ASNS: variants seen among roughly 807,000 people sequenced by gnomAD.
The protein encoded by ASNS is asparagine synthetase (glutamine-hydrolyzing), also known as asparagine synthetase [glutamine-hydrolyzing].
A neutral mutation model predicts 62.6 loss-of-function variants in ASNS; 37 were observed. The observed-to-expected ratio is 0.59, with a 90% confidence interval of 0.45 to 0.78. The LOEUF is 0.78. Among genes scored for constraint, ASNS ranks in the 30% least tolerant of loss-of-function variants. The pLI, the probability that ASNS is intolerant of heterozygous loss-of-function variation, is 0.00. For synonymous variants in ASNS, 207 were observed against 237.9 expected, an observed-to-expected ratio of 0.87 and a Z score of 1.19; for missense variants, 520 against 682.4, an observed-to-expected ratio of 0.76 and a Z score of 2.65.
chr7:97,860,206 G>C (rs1399318532), intron 4 of ASNS, among the ~76,000 whole-genome samples: 4 of 152,184 alleles, frequency 2.6e-5, no homozygotes, highest in Non-Finnish European at 4.4e-5. Context: ...AGGGAATGGG[G>C]AGTAATTAAA....
the ASNS span, among the ~76,000 whole-genome samples, chr7:97,895,820 A>C: frequency 6.6e-6 from 1 of 152,152 alleles, no homozygotes; most frequent in African/African-American, 2.4e-5. Context: ...ATTTTTAAAA[A>C]CGGATGTATA....
At chr7:97,859,066 T>C in intron 5 of ASNS, 111 bp from the exon 6 acceptor site, 1 of 1,374,388 alleles carries the variant, frequency 7.3e-7, no homozygotes. Context: ...TACTCAATGG[T>C]GGAGTGTGCC....
Position 97,853,133 on chromosome 7 carries a change from TC to T in ASNS, c.1402del (p.Glu468LysfsTer7), listed in dbSNP as rs1417999241. ...TGAAGTTATTCCATCACTGAAGGCTTCTTTTGGTCGCCAGAGAATCTCTTTG... is the reference window on the plus strand; with the variant it reads ...TGAAGTTATTCCATCACTGAAGGCTTTTTTGGTCGCCAGAGAATCTCTTTG... ...IPKEILWRPK[E>X]AFSDGITSVK... is the part of the protein sequence containing the mutation. On this transcript the variant is annotated frameshift_variant, in exon 12 of 13. Transcript: ENST00000394308. LOFTEE classifies it high-confidence loss of function. 1 of 1,611,540 alleles carries T rather than the reference TC, an allele frequency of 6.2e-7. No individual in the cohort carries two copies. The highest frequency in any genetic ancestry group is 1.7e-5 in the Admixed American group (1 of 59,390).
At chr7:97,912,213 T>C in the ASNS span, among the ~76,000 whole-genome samples, 1 of 152,230 alleles carries the variant, frequency 6.6e-6, no homozygotes, top group East Asian at 1.9e-4. Flanking sequence ...TCTCTGTCTC[T>C]AGAGATATTT....
chr7:97,875,111 C>T (rs1312621142), upstream of ASNS, among the ~76,000 whole-genome samples: 2 of 152,178 alleles, frequency 1.3e-5, no homozygotes, highest in East Asian at 3.9e-4. Flanking sequence ...GGTGCAGTAA[C>T]GACAATCCCC....
intron 1 of ASNS, chr7:97,871,644 A>T (rs1792268388): frequency 6.6e-6 from 1 of 152,504 alleles, no homozygotes; most frequent in African/African-American, 2.4e-5. Flanking sequence ...GCCCTGCAAA[A>T]TGACAGCCAT....
chr7:97,856,302 G>T (rs564860030), intron 8 of ASNS, among the ~76,000 whole-genome samples: 2 of 152,200 alleles, frequency 1.3e-5, no homozygotes, highest in African/African-American at 4.8e-5. Flanking sequence ...CTGGTAAGTT[G>T]TGTGATGGAA....
At chr7:97,879,478 A>G in the ASNS span, among the ~76,000 whole-genome samples, 1 of 152,232 alleles carries the variant, frequency 6.6e-6, no homozygotes, top group Non-Finnish European at 1.5e-5. Context: ...GTTAGATAGG[A>G]TGTTAAGTTG....
In ASNS at chr7:97,852,131, A is replaced by G. The variant is rs1791205688; in HGVS notation, c.*128T>C. On this transcript the variant is annotated 3_prime_UTR_variant, in exon 13 of 13. Coordinates refer to ENST00000394308, the MANE Select transcript of ASNS (RefSeq NM_001673.5). The stretch of plus-strand genomic sequence containing the variant: ...ACATAAATGACTACAGCAATGGTTT[A>G]GATTTAGGACTTTTATTTTTTTCAC... 2 of 997,352 alleles carry G rather than the reference A, an allele frequency of 2.0e-6. No individual in the cohort carries two copies. The highest frequency in any genetic ancestry group is 3.0e-6 in the Non-Finnish European group (2 of 675,810). 61.8% of individuals were successfully genotyped at this position (997,352 alleles called of 1,614,324 possible).
chr7:97,890,549 A>G, the ASNS span, among the ~76,000 whole-genome samples: 1 of 152,200 alleles, frequency 6.6e-6, no homozygotes, highest in Admixed American at 6.5e-5. Context: ...AAATAAAAAA[A>G]TGTAAGCCAA....
At chr7:97,881,932 C>T in the ASNS span, among the ~76,000 whole-genome samples, 9 of 151,988 alleles carry the variant, frequency 5.9e-5, no homozygotes, top group Non-Finnish European at 1.3e-4. Flanking sequence ...ACACAGGACA[C>T]CTCTGCCTCC....
At chr7:97,904,510 T>C in the ASNS span, among the ~76,000 whole-genome samples, 729 of 152,164 alleles carry the variant, frequency 4.8e-3, 1 homozygote, top group Non-Finnish European at 7.3e-3. Flanking sequence ...GGGGTTGCAA[T>C]ACCTCGAGTA....
intron 3 of ASNS, among the ~76,000 whole-genome samples, chr7:97,866,627 C>T (rs1413151065): frequency 1.3e-5 from 2 of 152,190 alleles, no homozygotes; most frequent in Non-Finnish European, 2.9e-5. Flanking sequence ...AGGTTTAAAT[C>T]AGGTGGAAAT....
chr7:97,908,392 A>T, the ASNS span: 1 of 152,172 alleles, frequency 6.6e-6, no homozygotes, highest in Non-Finnish European at 1.5e-5. Flanking sequence ...TCATCTTCAT[A>T]TTAATAGTTG....
chr7:97,880,452 A>G, the ASNS span, among the ~76,000 whole-genome samples: 6 of 152,150 alleles, frequency 3.9e-5, no homozygotes, highest in African/African-American at 7.2e-5. Context: ...TCCATGTGAA[A>G]CAGCCCAGTG....
chr7:97,872,325 G>GGCGCGGGGC lies in ASNS; in HGVS notation c.-60+25_-60+26insGCCCCGCGC, dbSNP rs1345361062. On this transcript the variant is annotated intron_variant, in intron 1 of 12. Coordinates refer to ENST00000394308, the MANE Select transcript of ASNS (RefSeq NM_001673.5). The stretch of plus-strand genomic sequence containing the variant: ...AGGAGGATGCTGGCGCGGGGCGCAG[G>GGCGCGGGGC]GCACGGGGCGCAGGACCCGGCTCAC... 1.0e-4 allele frequency: 16 copies of GGCGCGGGGC among 153,590 alleles called. No homozygotes were observed. The East Asian group carries it at 1.3e-3, about 13-fold the overall frequency. 9.5% of individuals were successfully genotyped at this position (153,590 alleles called of 1,614,324 possible).
the ASNS span, among the ~76,000 whole-genome samples, chr7:97,915,969 G>C: frequency 6.6e-6 from 1 of 152,160 alleles, no homozygotes. Flanking sequence ...TGGACTCAGA[G>C]GCCAAGTTCA....
the ASNS span, among the ~76,000 whole-genome samples, chr7:97,922,081 T>C: frequency 6.6e-6 from 1 of 152,106 alleles, no homozygotes; most frequent in Non-Finnish European, 1.5e-5. Flanking sequence ...AAAGTTGAAC[T>C]CGGCCAGGCA....
Position 97,858,247 on chromosome 7 carries a change from C to T in ASNS, c.903+31G>A, listed in dbSNP as rs750567168. On this transcript the variant is annotated intron_variant, in intron 7 of 12. Transcript: ENST00000394308. ...TCTAATAACAAGTCTACTCTAACTA[C>T]ACTACACAAGGGACAGAGACAGCAC... The T allele has an allele frequency of 2.5e-6, 4 of 1,610,136 alleles. No homozygotes were observed. The East Asian group carries it at 6.7e-5, about 27-fold the overall frequency.
Sources: gnomAD v4.1 joint callset for allele counts (sites outside exome capture counted in the v4.1 genomes callset) on GRCh38, gnomAD v4.1.1 for gene constraint, MANE v1.5 for transcripts, NCBI Gene and HGNC (gene_info 2026-07-23, HGNC 2026-07-21) for gene names.